PMM2: variants seen among roughly 807,000 people sequenced by gnomAD.
PMM2 encodes the protein mannose-6-phosphate isomerase.
PMM2 carries 35 observed loss-of-function variants against 33.2 expected under a neutral mutation model. The observed-to-expected ratio is 1.06, with a 90% CI of 0.81 to 1.40. PMM2 has a LOEUF of 1.40. Ranked by LOEUF, PMM2 falls within the 40% of genes most tolerant of loss-of-function variation. The pLI is 0.00. For synonymous variants in PMM2, 153 were observed against 114.7 expected, an observed-to-expected ratio of 1.33 and a Z score of -2.13; for missense variants, 386 against 306.0, an observed-to-expected ratio of 1.26 and a Z score of -1.95.
chr16:8,835,666 A>G (rs143378022), intron 7 of PMM2, among the ~76,000 whole-genome samples: 6,899 of 152,056 alleles, frequency 0.045, 262 homozygotes, highest in Middle Eastern at 0.13. Context: ...TAGGACAGGT[A>G]AAATGGGGGA....
intron 7 of PMM2, chr16:8,832,611 CTT>C: frequency 1.0e-6 from 1 of 985,416 alleles, no homozygotes; most frequent in African/African-American, 1.7e-5. Flanking sequence ...CCTCTGTCCT[CTT>C]TGCACCCTGG....
intron 7 of PMM2, among the ~76,000 whole-genome samples, chr16:8,827,718 G>GTATATATATA (rs1567164534): frequency 4.7e-5 from 2 of 42,832 alleles, no homozygotes; most frequent in African/African-American, 2.2e-4. Flanking sequence ...TTAAATGTGT[G>GTATATATATA]CATATATATA....
chr16:8,805,375 C>CT (rs1354693986), intron 3 of PMM2, among the ~76,000 whole-genome samples: 1 of 151,908 alleles, frequency 6.6e-6, no homozygotes, highest in African/African-American at 2.4e-5. Context: ...GCCTTTTCTT[C>CT]TTGTTTTAAA....
intron 7 of PMM2, among the ~76,000 whole-genome samples, chr16:8,840,978 GC>G (rs752565667): frequency 6.6e-6 from 1 of 152,026 alleles, no homozygotes; most frequent in Non-Finnish European, 1.5e-5. Flanking sequence ...TGAGGTTGGG[GC>G]CAAGCAAGAA....
Position 8,811,163 on chromosome 16 carries a change from C to CG in PMM2, c.432_433insG (p.Tyr145ValfsTer5). 1 of 1,564,780 alleles carries CG rather than the reference C, an allele frequency of 6.4e-7. No individual in the cohort carries two copies. The highest frequency in any genetic ancestry group is 8.7e-7 in the Non-Finnish European group (1 of 1,149,118). On this transcript the variant is annotated frameshift_variant, in exon 5 of 8. Coordinates refer to ENST00000268261, the MANE Select transcript of PMM2 (RefSeq NM_000303.3). LOFTEE classifies it high-confidence loss of function. ...GCAGCCAAGAAGAACGCATTGAGTT[C>CG]TACGAACTCGATAAAGTACGTCTTT...
At chr16:8,798,318 G>A (rs9931867) in intron 1 of PMM2, among the ~76,000 whole-genome samples, 4,519 of 152,270 alleles carry the variant, frequency 0.03, 119 homozygotes, top group African/African-American at 0.07. Flanking sequence ...AATGGGCTGT[G>A]CCGTGAGTCA....
At chr16:8,827,521 G>A (rs2060776292) in intron 7 of PMM2, among the ~76,000 whole-genome samples, 1 of 149,424 alleles carries the variant, frequency 6.7e-6, no homozygotes, top group Admixed American at 6.7e-5. Context: ...TCAGCCTCCC[G>A]AGTAGCTGGG....
At chr16:8,815,456 C>T (rs1410229195) in intron 7 of PMM2, among the ~76,000 whole-genome samples, 1 of 152,162 alleles carries the variant, frequency 6.6e-6, no homozygotes, top group African/African-American at 2.4e-5. Context: ...GTCTCGAACT[C>T]CTGGCCTCAA....
At chr16:8,831,426 A>G (rs1033478938) in intron 7 of PMM2, among the ~76,000 whole-genome samples, 1 of 152,192 alleles carries the variant, frequency 6.6e-6, no homozygotes, top group African/African-American at 2.4e-5. Flanking sequence ...AGTCCCAGCT[A>G]CTCAGGAGGC....
At chr16:8,840,891 C>CT (rs1340165126) in intron 7 of PMM2, among the ~76,000 whole-genome samples, 1 of 151,940 alleles carries the variant, frequency 6.6e-6, no homozygotes, top group Non-Finnish European at 1.5e-5. Context: ...GCAAGAGAAG[C>CT]TTAGCAGCCT....
At chr16:8,832,384 G>A (rs1056451131) in intron 7 of PMM2, 1 of 985,412 alleles carries the variant, frequency 1.0e-6, no homozygotes, top group Non-Finnish European at 1.2e-6. Flanking sequence ...TGATTCTCCA[G>A]ACCTAGCTTT....
chr16:8,824,195 A>C lies in PMM2; in HGVS notation c.639+11089A>C, dbSNP rs76159133. Among the ~76,000 whole-genome samples, 44 of 152,360 alleles carry C rather than the reference A, an allele frequency of 2.9e-4. 1 individual carries two copies. In the East Asian group the frequency reaches 8.5e-3, roughly 29 times the overall value. On this transcript the variant is annotated intron_variant, in intron 7 of 7. Transcript: ENST00000268261. The stretch of plus-strand genomic sequence containing the variant: ...GACTCTGAAAAACAAAAGGATTAAC[A>C]ATGTTTAACACATCAGCTCTCCATG...
intron 2 of PMM2, among the ~76,000 whole-genome samples, chr16:8,802,826 G>C (rs906428296): frequency 1.9e-5 from 1 of 52,458 alleles, no homozygotes; most frequent in Non-Finnish European, 4.2e-5. Flanking sequence ...ACGAAACTCC[G>C]TCTTGGAAAA....
chr16:8,811,304 C>T (rs1321929694), intron 5 of PMM2, 126 bp downstream of exon 5: 6 of 742,608 alleles, frequency 8.1e-6, no homozygotes, highest in Non-Finnish European at 1.4e-5. Flanking sequence ...TCACTTGAGC[C>T]CAGGAGTTCA....
At chr16:8,800,670 T>TG (rs1460296708) in intron 1 of PMM2, among the ~76,000 whole-genome samples, 51 of 127,436 alleles carry the variant, frequency 4.0e-4, no homozygotes, top group African/African-American at 1.5e-3. Flanking sequence ...TTCTCCTTTT[T>TG]TTTTTTTTTT....
chr16:8,838,092 A>T (rs945228377), intron 7 of PMM2, among the ~76,000 whole-genome samples: 1 of 152,104 alleles, frequency 6.6e-6, no homozygotes, highest in African/African-American at 2.4e-5. Flanking sequence ...GTGGTGGATT[A>T]TCATTAGTTC....
chr16:8,819,190 C>G (rs984819653), intron 7 of PMM2, among the ~76,000 whole-genome samples: 3 of 152,238 alleles, frequency 2.0e-5, no homozygotes. Flanking sequence ...AGCCCCGCTG[C>G]TCCTCAGGAG....
At chr16:8,818,463 C>T (rs2060719756) in intron 7 of PMM2, among the ~76,000 whole-genome samples, 1 of 152,252 alleles carries the variant, frequency 6.6e-6, no homozygotes, top group African/African-American at 2.4e-5. Context: ...AATCCAAATA[C>T]TAGCCTTACA....
intron 7 of PMM2, chr16:8,832,207 A>C: frequency 6.1e-6 from 6 of 985,400 alleles, no homozygotes; most frequent in Non-Finnish European, 7.2e-6. Flanking sequence ...ACAAAGAAAG[A>C]AGCAGACCCT....
Sources: allele counts gnomAD v4.1 joint callset (sites outside exome capture counted in the v4.1 genomes callset), GRCh38; gene constraint gnomAD v4.1.1; transcripts MANE v1.5; gene names NCBI Gene and HGNC (gene_info 2026-07-23, HGNC 2026-07-21).